RBMS3: variants seen among roughly 807,000 people sequenced by gnomAD.
RBMS3 encodes RNA-binding motif, single-stranded-interacting protein 3.
In RBMS3, 27 loss-of-function variants were observed where a neutral mutation model predicts 66.8. The ratio of observed to expected loss-of-function variants is 0.40; its 90% confidence interval spans 0.30 to 0.56. The LOEUF is 0.56. RBMS3 is among the 20% of genes least tolerant of loss of function. The pLI is 0.40. For missense variants in RBMS3, 513 were observed against 549.5 expected, an observed-to-expected ratio of 0.93 and a Z score of 0.66; for synonymous variants, 188 against 183.0, an observed-to-expected ratio of 1.03 and a Z score of -0.22.
Position 29,663,766 on chromosome 3 carries a change from T to A in RBMS3, c.400-75954T>A, listed in dbSNP as rs543257087. ...AGATTGTTTCTTTTTTAAAAAAAAA[T>A]TATATTTCAGATACAGAGAATATCA... On this transcript the variant is annotated intron_variant, in intron 4 of 14. Coordinates refer to ENST00000383767, the MANE Select transcript of RBMS3 (RefSeq NM_001003793.3). Among the ~76,000 whole-genome samples, 1,122 of 152,240 alleles carry A rather than the reference T, an allele frequency of 7.4e-3. 31 individuals are homozygous for A. The highest frequency in any genetic ancestry group is 0.06 in the Admixed American group (921 of 15,284).
chr3:29,998,461 A>G (rs1197914387), intron 14 of RBMS3, among the ~76,000 whole-genome samples: 1 of 152,226 alleles, frequency 6.6e-6, no homozygotes, highest in Non-Finnish European at 1.5e-5. Flanking sequence ...TCGCCAAGTC[A>G]ATCCTAAGCC....
At chr3:29,844,865 T>G (rs1467586978) in intron 6 of RBMS3, among the ~76,000 whole-genome samples, 1 of 152,242 alleles carries the variant, frequency 6.6e-6, no homozygotes, top group East Asian at 1.9e-4. Flanking sequence ...CTTCAAATCT[T>G]AGTGGCTTAA....
In RBMS3 at chr3:29,861,694, T is replaced by G. The variant is rs536258613; in HGVS notation, c.638-7164T>G. 2.4e-4 allele frequency among the ~76,000 whole-genome samples: 37 copies of G among 152,354 alleles called. No individual in the cohort carries two copies. In the South Asian group the frequency reaches 7.2e-3, roughly 30 times the overall value. On this transcript the variant is annotated intron_variant, in intron 6 of 14. Transcript: ENST00000383767. ...AAATCTTTGTCATTGTTTTGTTTGC[T>G]TGCTTAAAACACCAAATCCTATAAG... is the stretch of plus-strand genomic sequence containing the variant.
intron 14 of RBMS3, among the ~76,000 whole-genome samples, chr3:29,992,309 G>A (rs942108044): frequency 6.6e-6 from 1 of 152,152 alleles, no homozygotes; most frequent in East Asian, 1.9e-4. Flanking sequence ...GTATTAGGCC[G>A]GGCGCAGTGG....
In RBMS3 at chr3:29,999,621, A is replaced by T. The variant is rs539101807; in HGVS notation, c.1308-4235A>T. Among the ~76,000 whole-genome samples the T allele has an allele frequency of 1.5e-4, 23 of 152,300 alleles. No homozygotes were observed. In the East Asian group the frequency reaches 4.4e-3, roughly 29 times the overall value. On this transcript the variant is annotated intron_variant, in intron 14 of 14. Transcript: ENST00000383767. ...ATGTCCTTTGTAGGGACATGGATGA[A>T]ACTGGAAACCATCATTCCCAGCAAA... is the stretch of plus-strand genomic sequence containing the variant.
intron 4 of RBMS3, among the ~76,000 whole-genome samples, chr3:29,612,375 T>C (rs970653852): frequency 6.6e-6 from 1 of 152,132 alleles, no homozygotes; most frequent in Non-Finnish European, 1.5e-5. Context: ...TCTTAGTTTA[T>C]AGATATGTCA....
intron 2 of RBMS3, among the ~76,000 whole-genome samples, chr3:29,440,522 AC>A (rs762998433): frequency 1.2e-4 from 19 of 152,160 alleles, no homozygotes; most frequent in Non-Finnish European, 1.0e-4. Flanking sequence ...CTGCCCCCAC[AC>A]TTTTCTCCGT....
At chr3:29,922,436 G>A (rs867207705) in intron 10 of RBMS3, among the ~76,000 whole-genome samples, 2 of 147,190 alleles carry the variant, frequency 1.4e-5, no homozygotes, top group Non-Finnish European at 3.0e-5. Context: ...TCAGTGAGCC[G>A]AGATTGCGCC....
intron 14 of RBMS3, among the ~76,000 whole-genome samples, chr3:29,998,942 C>T (rs1444568080): frequency 6.6e-6 from 1 of 151,988 alleles, no homozygotes; most frequent in Admixed American, 6.5e-5. Flanking sequence ...AACTAAAGAG[C>T]TTCTGCACAG....
chr3:29,841,320 A>C (rs556855035), intron 6 of RBMS3, among the ~76,000 whole-genome samples: 4 of 152,126 alleles, frequency 2.6e-5, no homozygotes, highest in Middle Eastern at 3.4e-3. Flanking sequence ...CAATATAATG[A>C]CTTGGAATGT....
intron 3 of RBMS3, among the ~76,000 whole-genome samples, chr3:29,503,605 A>G (rs1168902148): frequency 1.3e-5 from 2 of 152,094 alleles, no homozygotes; most frequent in Admixed American, 6.6e-5. Context: ...GGGAACTGTA[A>G]GGAGGATTGT....
intron 3 of RBMS3, among the ~76,000 whole-genome samples, chr3:29,555,026 C>A (rs1046137423): frequency 6.6e-6 from 1 of 152,132 alleles, no homozygotes; most frequent in Non-Finnish European, 1.5e-5. Context: ...TTAACTTATT[C>A]TTTTATTTTT....
At chr3:29,754,080 C>G (rs562740184) in intron 5 of RBMS3, among the ~76,000 whole-genome samples, 1 of 151,950 alleles carries the variant, frequency 6.6e-6, no homozygotes, top group Non-Finnish European at 1.5e-5. Context: ...GCCTCAGCCT[C>G]CCGAGTAGCT....
chr3:29,586,157 T>C (rs2047514267), intron 3 of RBMS3, among the ~76,000 whole-genome samples: 1 of 152,056 alleles, frequency 6.6e-6, no homozygotes, highest in Non-Finnish European at 1.5e-5. Context: ...AGGATACATA[T>C]GGTGAGCTTG....
intron 4 of RBMS3, among the ~76,000 whole-genome samples, chr3:29,668,299 A>T (rs965289675): frequency 4.6e-5 from 7 of 152,340 alleles, no homozygotes; most frequent in South Asian, 2.1e-4. Flanking sequence ...AGCAGATCTT[A>T]GGGTTACATA....
chr3:29,957,831 A>G (rs905175395), intron 12 of RBMS3, among the ~76,000 whole-genome samples: 1 of 152,136 alleles, frequency 6.6e-6, no homozygotes, highest in Non-Finnish European at 1.5e-5. Context: ...GCAAACATAC[A>G]CTGGTCCCAA....
At chr3:29,965,885 A>G (rs1056298390) in intron 12 of RBMS3, among the ~76,000 whole-genome samples, 2 of 152,186 alleles carry the variant, frequency 1.3e-5, no homozygotes, top group Non-Finnish European at 2.9e-5. Context: ...TGCTTAATGC[A>G]TCTTGAGTTG....
intron 4 of RBMS3, among the ~76,000 whole-genome samples, chr3:29,700,402 G>A (rs1009328426): frequency 6.6e-6 from 1 of 152,166 alleles, no homozygotes; most frequent in African/African-American, 2.4e-5. Flanking sequence ...TGTAGAACAT[G>A]AGCTTATGAG....
chr3:30,009,586 T>C lies in RBMS3; in HGVS notation c.*5724T>C, dbSNP rs1381779098. The C allele has an allele frequency of 6.6e-6, 1 of 152,224 alleles. No individual in the cohort carries two copies. Among genetic ancestry groups the C allele is most frequent in the Admixed American group, 6.5e-5 (1 of 15,288 alleles). The allele number at this position is 152,224 out of a possible 1,614,324, so 9.4% of individuals were successfully genotyped here. The stretch of plus-strand genomic sequence containing the variant: ...CTTCACTCCACTAAATTTGAACCAG[T>C]AGCACGGATCAACACGACTTCTGCA... On this transcript the variant is annotated 3_prime_UTR_variant, in exon 15 of 15. Coordinates refer to ENST00000383767, the MANE Select transcript of RBMS3 (RefSeq NM_001003793.3).
Sources: gnomAD v4.1 joint callset for allele counts (sites outside exome capture counted in the v4.1 genomes callset) on GRCh38, gnomAD v4.1.1 for gene constraint, MANE v1.5 for transcripts, NCBI Gene and HGNC (gene_info 2026-07-23, HGNC 2026-07-21) for gene names.